GNG2: variants seen among roughly 807,000 people sequenced by gnomAD.
The protein encoded by GNG2 is guanine nucleotide-binding protein G(I)/G(S)/G(O) subunit gamma-2.
In GNG2, 5 loss-of-function variants were observed where a neutral mutation model predicts 5.5. The ratio of observed to expected loss-of-function variants is 0.91; its 90% CI spans 0.48 to 1.92. The LOEUF is 1.92. GNG2 is among the 30% of genes most tolerant of loss of function. The pLI is 0.01. For synonymous variants in GNG2, 28 were observed against 32.0 expected (o/e 0.88, Z 0.42); for missense variants, 55 against 88.4 (o/e 0.62, Z 1.52).
chr14:51,890,974 A>C (rs1212428377), intron 2 of GNG2, among the ~76,000 whole-genome samples: 1 of 152,164 alleles, frequency 6.6e-6, no homozygotes, highest in Non-Finnish European at 1.5e-5. Context: ...AAAGAACAGT[A>C]CATTCTTTAG....
chr14:51,942,643 C>T (rs1888412001), intron 2 of GNG2, among the ~76,000 whole-genome samples: 1 of 77,758 alleles, frequency 1.3e-5, no homozygotes, highest in Admixed American at 1.6e-4. Flanking sequence ...AGGCTGGATT[C>T]AAACTCCTGG....
intron 2 of GNG2, among the ~76,000 whole-genome samples, chr14:51,884,337 C>A (rs189330796): frequency 8.7e-4 from 132 of 152,262 alleles, no homozygotes; most frequent in Admixed American, 2.3e-3. Context: ...CATTTATATG[C>A]GGAACTTAAG....
intron 2 of GNG2, among the ~76,000 whole-genome samples, chr14:51,905,197 A>T (rs942746138): frequency 2.6e-5 from 4 of 152,176 alleles, no homozygotes; most frequent in African/African-American, 9.7e-5. Context: ...ATAACTATTT[A>T]CCTTTCACTG....
chr14:51,904,077 A>C (rs932839361), intron 2 of GNG2, among the ~76,000 whole-genome samples: 5 of 152,182 alleles, frequency 3.3e-5, no homozygotes, highest in Admixed American at 3.3e-4. Context: ...TAGACAGAAT[A>C]ACACTCAAAT....
chr14:51,840,482 A>T (rs1319934581), intron 2 of GNG2, among the ~76,000 whole-genome samples: 1 of 152,130 alleles, frequency 6.6e-6, no homozygotes, highest in African/African-American at 2.4e-5. Flanking sequence ...CCCAGTTCCC[A>T]GTTTACTGAC....
chr14:51,844,914 A>T (rs1424136277), intron 2 of GNG2, among the ~76,000 whole-genome samples: 3 of 152,046 alleles, frequency 2.0e-5, no homozygotes, highest in Non-Finnish European at 4.4e-5. Context: ...TTTAGTAGGG[A>T]TGGGGTTTCA....
At chr14:51,879,608 G>T (rs541753593) in intron 2 of GNG2, among the ~76,000 whole-genome samples, 149 of 152,268 alleles carry the variant, frequency 9.8e-4, no homozygotes, top group African/African-American at 3.4e-3. Context: ...AGGCTCTCTG[G>T]GTTGGATTTA....
At chr14:51,833,126 G>A (rs1953869) in intron 2 of GNG2, among the ~76,000 whole-genome samples, 75,712 of 151,960 alleles carry the variant, frequency 0.5, 19,476 homozygotes, top group Middle Eastern at 0.57. Flanking sequence ...GGGGATGGGG[G>A]AGGCAGGTGC....
chr14:51,894,420 A>G (rs184304117), intron 2 of GNG2, among the ~76,000 whole-genome samples: 40 of 152,228 alleles, frequency 2.6e-4, no homozygotes, highest in African/African-American at 9.1e-4. Context: ...ATCTCCAGGG[A>G]CAGATGTCAT....
At chr14:51,849,996 A>C (rs1881833220) in intron 2 of GNG2, among the ~76,000 whole-genome samples, 1 of 152,140 alleles carries the variant, frequency 6.6e-6, no homozygotes, top group Non-Finnish European at 1.5e-5. Flanking sequence ...AATGCTTTTA[A>C]ATGGCCAATT....
intron 2 of GNG2, among the ~76,000 whole-genome samples, chr14:51,842,728 A>C (rs1378260456): frequency 6.6e-6 from 1 of 151,190 alleles, no homozygotes; most frequent in African/African-American, 2.4e-5. Context: ...GCAGTGGCAC[A>C]ATCTCGGCTC....
intron 2 of GNG2, among the ~76,000 whole-genome samples, chr14:51,918,005 AAGAG>A (rs771229248): frequency 2.0e-5 from 3 of 150,796 alleles, no homozygotes; most frequent in East Asian, 2.0e-4. Flanking sequence ...TAGTCTGGGC[AAGAG>A]AGAGAGACTC....
chr14:51,867,165 TGA>T (rs1375192504), intron 1 of GNG2, among the ~76,000 whole-genome samples: 1 of 152,180 alleles, frequency 6.6e-6, no homozygotes, highest in Non-Finnish European at 1.5e-5. Flanking sequence ...TCCCCAAATA[TGA>T]GTGTTCTCAA....
chr14:51,960,285 A>T (rs1211331247), intron 3 of GNG2, among the ~76,000 whole-genome samples: 1 of 151,200 alleles, frequency 6.6e-6, no homozygotes, highest in Non-Finnish European at 1.5e-5. Context: ...AATTTTATTC[A>T]TTGTATTTTT....
intron 2 of GNG2, among the ~76,000 whole-genome samples, chr14:51,847,573 A>G (rs1172892268): frequency 1.3e-5 from 2 of 151,614 alleles, no homozygotes; most frequent in Non-Finnish European, 2.9e-5. Context: ...TAAAAAAAAG[A>G]AAGTCATGTG....
intron 2 of GNG2, among the ~76,000 whole-genome samples, chr14:51,921,995 C>T (rs1887039626): frequency 6.6e-6 from 1 of 152,134 alleles, no homozygotes; most frequent in Non-Finnish European, 1.5e-5. Context: ...TTTTCTTTAG[C>T]ATTTTCTTCA....
intron 2 of GNG2, among the ~76,000 whole-genome samples, chr14:51,878,622 A>G (rs1883836237): frequency 6.6e-6 from 1 of 152,252 alleles, no homozygotes; most frequent in South Asian, 2.1e-4. Flanking sequence ...TATTTATTTC[A>G]TGTTTACTAG....
intron 2 of GNG2, among the ~76,000 whole-genome samples, chr14:51,918,797 T>C (rs1346484676): frequency 6.6e-6 from 1 of 152,164 alleles, no homozygotes; most frequent in Non-Finnish European, 1.5e-5. Flanking sequence ...TTGTGTATCA[T>C]CATCAAGGAA....
intron 2 of GNG2, 30 bp from the exon 3 acceptor site, chr14:51,950,620 G>A (rs1888915947): frequency 1.5e-6 from 2 of 1,341,276 alleles, no homozygotes; most frequent in East Asian, 2.4e-5. Context: ...GAATTCTCTG[G>A]TACAATCTTC....
Sources: allele counts gnomAD v4.1 joint callset (sites outside exome capture counted in the v4.1 genomes callset), GRCh38; gene constraint gnomAD v4.1.1; transcripts MANE v1.5; gene names NCBI Gene and HGNC (gene_info 2026-07-23, HGNC 2026-07-21).